DCBLD2: variants seen among roughly 807,000 people sequenced by gnomAD.
DCBLD2 encodes discoidin, CUB and LCCL domain-containing protein 2.
DCBLD2 carries 54 observed loss-of-function variants against 86.8 expected under a neutral mutation model. The ratio of observed to expected loss-of-function variants is 0.62; its 90% confidence interval spans 0.50 to 0.78. The LOEUF (loss-of-function observed/expected upper bound fraction) is 0.78, where lower values mean the gene tolerates loss of function less well. Ranked by LOEUF, DCBLD2 falls within the 30% of genes least tolerant of loss-of-function variation. DCBLD2 has a pLI of 0.00. For missense variants in DCBLD2, 908 were observed against 954.2 expected (o/e 0.95, Z 0.64); for synonymous variants, 354 against 341.3 (o/e 1.04, Z -0.41).
intron 13 of DCBLD2, chr3:98,804,957 C>T (rs548595120): frequency 6.6e-6 from 1 of 152,406 alleles, no homozygotes; most frequent in South Asian, 2.1e-4. Flanking sequence ...GAGTGCTTTA[C>T]TTTCAACTAT....
At chr3:98,805,019 A>G (rs1452746381) in intron 13 of DCBLD2, 1 of 152,286 alleles carries the variant, frequency 6.6e-6, no homozygotes, top group Non-Finnish European at 1.5e-5. Flanking sequence ...TCATCCTTGC[A>G]CAGGGGCCAT....
intron 2 of DCBLD2, among the ~76,000 whole-genome samples, chr3:98,856,399 A>C (rs1436003841): frequency 6.6e-6 from 1 of 152,146 alleles, no homozygotes; most frequent in African/African-American, 2.4e-5. Flanking sequence ...AAACTATATT[A>C]ACAAAGGGGC....
intron 6 of DCBLD2, 46 bp from the exon 7 acceptor site, chr3:98,820,334 G>T: frequency 7.5e-7 from 1 of 1,334,300 alleles, no homozygotes; most frequent in East Asian, 2.7e-5. Context: ...CATAACACAT[G>T]ATGCCCCATA....
intron 6 of DCBLD2, among the ~76,000 whole-genome samples, chr3:98,820,626 C>T (rs112348150): frequency 6.6e-6 from 1 of 152,076 alleles, no homozygotes. Context: ...TACTTTATTT[C>T]ATGAAATAAA....
chr3:98,850,411 A>G (rs1191124481), intron 2 of DCBLD2, among the ~76,000 whole-genome samples: 3 of 152,234 alleles, frequency 2.0e-5, no homozygotes, highest in Admixed American at 2.0e-4. Context: ...GCCGCATTCA[A>G]AGCTGTCCTG....
In DCBLD2 at chr3:98,901,352, T is replaced by G. The variant is rs1379804525; in HGVS notation, c.-26A>C. The stretch of plus-strand genomic sequence containing the variant: ...CGCGGCGGCCGGCAGTCTGCCTGCA[T>G]AGTGCGGGTGCCTCGGCAGCCCCGC... On this transcript the variant is annotated 5_prime_UTR_variant, in exon 1 of 16. The change abolishes an upstream ATG in the 5' untranslated region. Coordinates refer to ENST00000326840, the MANE Select transcript of DCBLD2 (RefSeq NM_080927.4). The G allele has an allele frequency of 7.4e-7, 1 of 1,354,986 alleles. No homozygotes were observed. Among genetic ancestry groups the G allele is most frequent in the Non-Finnish European group, 9.4e-7 (1 of 1,063,956 alleles). The allele number at this position is 1,354,986 out of a possible 1,614,324, so 83.9% of individuals were successfully genotyped here.
intron 3 of DCBLD2, among the ~76,000 whole-genome samples, chr3:98,838,370 G>T (rs1333615220): frequency 2.9e-4 from 31 of 108,374 alleles, no homozygotes; most frequent in Non-Finnish European, 5.1e-4. Flanking sequence ...TCCCAGACGG[G>T]GTCTCGGCCG....
chr3:98,882,192 G>A (rs1362250293), intron 1 of DCBLD2, among the ~76,000 whole-genome samples: 1 of 151,952 alleles, frequency 6.6e-6, no homozygotes, highest in African/African-American at 2.4e-5. Flanking sequence ...ATAATCAATG[G>A]TTACTTATAT....
Position 98,831,630 on chromosome 3 carries a change from C to T in DCBLD2, c.572-6264G>A, listed in dbSNP as rs572860463. Among the ~76,000 whole-genome samples, 547 of 152,230 alleles carry T rather than the reference C, an allele frequency of 3.6e-3. 5 individuals carry two copies. The highest frequency in any genetic ancestry group is 9.7e-3 in the African/African-American group (401 of 41,548). On this transcript the variant is annotated intron_variant, in intron 3 of 15. Transcript: ENST00000326840. ...TTGTAACAATGCCTTAGCTGCATCCCGGAGATTCTGGAATGTTGTATCTTT... is the reference window on the plus strand; with the variant it reads ...TTGTAACAATGCCTTAGCTGCATCCTGGAGATTCTGGAATGTTGTATCTTT...
intron 2 of DCBLD2, among the ~76,000 whole-genome samples, chr3:98,871,879 A>G (rs1324272641): frequency 6.6e-6 from 1 of 152,166 alleles, no homozygotes; most frequent in Non-Finnish European, 1.5e-5. Flanking sequence ...GTCTGGTAAA[A>G]TTCAGCTGTG....
chr3:98,837,461 C>T (rs1358043033), intron 3 of DCBLD2, among the ~76,000 whole-genome samples: 3 of 24,562 alleles, frequency 1.2e-4, no homozygotes, highest in East Asian at 1.2e-3. Context: ...GCTGGCCGGG[C>T]GGGGGGCTGA....
chr3:98,810,808 C>T (rs1476039583), intron 12 of DCBLD2, among the ~76,000 whole-genome samples: 1 of 151,568 alleles, frequency 6.6e-6, no homozygotes, highest in African/African-American at 2.4e-5. Context: ...CCCTTTTTGC[C>T]ATCAAGTTCC....
chr3:98,810,166 C>T (rs544414731), intron 12 of DCBLD2, among the ~76,000 whole-genome samples: 1 of 152,154 alleles, frequency 6.6e-6, no homozygotes, highest in African/African-American at 2.4e-5. Context: ...TTAAGATGAG[C>T]AACACTTTTC....
Position 98,870,742 on chromosome 3 carries a change from AAAGAAAGAAAG to A in DCBLD2, c.433+10787_433+10797del, listed in dbSNP as rs1266245820. Among the ~76,000 whole-genome samples the A allele has an allele frequency of 9.7e-5, 5 of 51,478 alleles. No homozygotes were observed. The South Asian group carries it at 4.1e-3, about 43-fold the overall frequency. The allele number at this position is 51,478 out of a possible 152,430, so 33.8% of individuals were successfully genotyped here. On this transcript the variant is annotated intron_variant, in intron 2 of 15. Coordinates refer to ENST00000326840, the MANE Select transcript of DCBLD2 (RefSeq NM_080927.4). Reference sequence around the variant, plus strand: ...AAAGGAAAAGAAAAGAAAGAAAAAGAAAGAAAGAAAGAAAGAAAGAAAGAAAGAAAGAAAGA... The same window carrying A: ...AAAGGAAAAGAAAAGAAAGAAAAAGAAAAGAAAGAAAGAAAGAAAGAAAGA...
In DCBLD2 at chr3:98,870,736, A is replaced by AAAAAGAAAGAAAGAAAG. The variant is rs1553731614; in HGVS notation, c.433+10787_433+10803dup. On this transcript the variant is annotated intron_variant, in intron 2 of 15. Transcript: ENST00000326840. ...AAAGAAAAAGGAAAAGAAAAGAAAG[A>AAAAAGAAAGAAAGAAAG]AAAAGAAAGAAAGAAAGAAAGAAAG... Among the ~76,000 whole-genome samples the AAAAAGAAAGAAAGAAAG allele has an allele frequency of 6.7e-4, 57 of 84,662 alleles. 1 individual carries two copies. Among genetic ancestry groups the AAAAAGAAAGAAAGAAAG allele is most frequent in the African/African-American group, 2.6e-3 (54 of 20,524 alleles). The allele number at this position is 84,662 out of a possible 152,430, so 55.5% of individuals were successfully genotyped here.
At chr3:98,870,743 AAGAAAGAAAGAAAGAAAG>A (rs1553731646) in intron 2 of DCBLD2, among the ~76,000 whole-genome samples, 1 of 82,690 alleles carries the variant, frequency 1.2e-5, no homozygotes, top group African/African-American at 4.7e-5. Context: ...AAGAAAAAGA[AAGAAAGAAAGAAAGAAAG>A]AAAGAAAGAA....
At chr3:98,869,272 T>A (rs1044243730) in intron 2 of DCBLD2, among the ~76,000 whole-genome samples, 7 of 152,328 alleles carry the variant, frequency 4.6e-5, no homozygotes, top group African/African-American at 1.7e-4. Context: ...TGTCTGTTCA[T>A]GTTGTTTGTC....
At chr3:98,873,330 T>C (rs188944402) in intron 2 of DCBLD2, among the ~76,000 whole-genome samples, 45 of 152,190 alleles carry the variant, frequency 3.0e-4, no homozygotes, top group African/African-American at 1.0e-3. Flanking sequence ...GACAGATTTT[T>C]AAATGCATAT....
intron 1 of DCBLD2, chr3:98,890,261 G>A (rs569925618): frequency 1.3e-5 from 2 of 152,136 alleles, no homozygotes; most frequent in South Asian, 4.1e-4. Context: ...TCTAAGAGGA[G>A]GAAAGTTTAG....
Sources: allele counts gnomAD v4.1 joint callset (sites outside exome capture counted in the v4.1 genomes callset), GRCh38; gene constraint gnomAD v4.1.1; transcripts MANE v1.5; gene names NCBI Gene and HGNC (gene_info 2026-07-23, HGNC 2026-07-21).